Variants in CSMD3 observed in about 807,000 individuals in gnomAD.
CSMD3 encodes the protein CUB and Sushi multiple domains 3.
Under a neutral mutation model 435.2 loss-of-function variants are expected in CSMD3, and 177 were observed. The observed-to-expected ratio is 0.41, with a 90% CI of 0.36 to 0.46. CSMD3 has a LOEUF of 0.46. CSMD3 is among the 20% of genes least tolerant of loss of function. CSMD3 has a pLI of 0.34. For synonymous variants in CSMD3, 1,656 were observed against 1,520.5 expected, an observed-to-expected ratio of 1.09 and a Z score of -2.07; for missense variants, 4,265 against 4,504.6, an observed-to-expected ratio of 0.95 and a Z score of 1.52.
rs1563904150 is a variant in CSMD3, at chr8:112,405,211, CCCCATATAT to C, written c.5809+1304_5809+1312del. Among the ~76,000 whole-genome samples, 68 of 18,078 alleles carry C rather than the reference CCCCATATAT, an allele frequency of 3.8e-3. 9 individuals are homozygous for C. Among genetic ancestry groups the C allele is most frequent in the Non-Finnish European group, 4.4e-3 (50 of 11,260 alleles). The allele number at this position is 18,078 out of a possible 152,430, so 11.9% of individuals were successfully genotyped here. ...AAAAAAAAAAAAAAAAAAAAAAAAC[CCCCATATAT>C]ATATATATATATATATATATATATA... On this transcript the variant is annotated intron_variant, in intron 35 of 70. Transcript: ENST00000297405.
chr8:112,697,727 A>G (rs1414908541), intron 13 of CSMD3, among the ~76,000 whole-genome samples: 1 of 152,102 alleles, frequency 6.6e-6, no homozygotes, highest in Non-Finnish European at 1.5e-5. Flanking sequence ...AACTTAAAGT[A>G]TAATAAAAAA....
chr8:113,000,754 C>A (rs907399383), intron 6 of CSMD3, among the ~76,000 whole-genome samples: 4 of 151,982 alleles, frequency 2.6e-5, no homozygotes, highest in Admixed American at 6.6e-5. Flanking sequence ...AAACTCCATC[C>A]ATTTAAATGC....
intron 32 of CSMD3, among the ~76,000 whole-genome samples, chr8:112,468,225 G>C (rs1327144211): frequency 7.0e-6 from 1 of 142,070 alleles, no homozygotes; most frequent in Non-Finnish European, 1.5e-5. Context: ...TCCTCCAATT[G>C]CCTAAAGTAT....
intron 5 of CSMD3, among the ~76,000 whole-genome samples, chr8:113,024,462 A>G (rs2086799777): frequency 6.6e-6 from 1 of 152,000 alleles, no homozygotes; most frequent in Non-Finnish European, 1.5e-5. Context: ...CCTCTTTTGG[A>G]TATTTACCTG....
chr8:112,658,650 T>C (rs921444649), intron 17 of CSMD3, among the ~76,000 whole-genome samples: 2 of 152,076 alleles, frequency 1.3e-5, no homozygotes, highest in Non-Finnish European at 2.9e-5. Context: ...AAATAAATGA[T>C]CATATACTTA....
At position 112,343,001 on chromosome 8, in the gene CSMD3, T is replaced by TATTTATATATATATTTA. The variant is rs1554647587; in HGVS notation, c.6443-1316_6443-1315insTAAATATATATATAAAT. On this transcript the variant is annotated intron_variant, in intron 41 of 70. Transcript: ENST00000297405. Reference sequence around the variant, plus strand: ...TATATATATATTTATATATATATATTTATATATATATATATTTATATATAT... The same window carrying TATTTATATATATATTTA: ...TATATATATATTTATATATATATATTATTTATATATATATTTATATATATATATATATTTATATATAT... Among the ~76,000 whole-genome samples the TATTTATATATATATTTA allele has an allele frequency of 4.5e-4, 49 of 109,650 alleles. 2 individuals are homozygous for TATTTATATATATATTTA. Among genetic ancestry groups the TATTTATATATATATTTA allele is most frequent in the Admixed American group, 9.8e-4 (10 of 10,242 alleles). 71.9% of individuals were successfully genotyped at this position (109,650 alleles called of 152,430 possible).
intron 4 of CSMD3, among the ~76,000 whole-genome samples, chr8:113,113,497 T>C (rs1479988732): frequency 6.6e-6 from 1 of 152,130 alleles, no homozygotes; most frequent in Admixed American, 6.6e-5. Flanking sequence ...ACAAATAATG[T>C]TTTTAAAGGC....
intron 3 of CSMD3, among the ~76,000 whole-genome samples, chr8:113,253,940 T>C (rs911189490): frequency 1.3e-5 from 2 of 152,222 alleles, no homozygotes; most frequent in African/African-American, 2.4e-5. Context: ...TTACAAGATT[T>C]TTCTTCCAGA....
intron 3 of CSMD3, among the ~76,000 whole-genome samples, chr8:113,265,347 T>C (rs879667757): frequency 1.3e-5 from 2 of 151,536 alleles, no homozygotes; most frequent in Non-Finnish European, 3.0e-5. Flanking sequence ...AATAATACAG[T>C]ATATGTATTA....
intron 13 of CSMD3, among the ~76,000 whole-genome samples, chr8:112,739,996 A>G (rs1363247014): frequency 1.3e-5 from 2 of 151,624 alleles, no homozygotes; most frequent in African/African-American, 2.4e-5. Context: ...TCCAAATCTC[A>G]TTCAGTATTC....
intron 13 of CSMD3, among the ~76,000 whole-genome samples, chr8:112,717,479 T>C (rs940020236): frequency 2.6e-5 from 4 of 152,196 alleles, no homozygotes; most frequent in Non-Finnish European, 5.9e-5. Flanking sequence ...GTAAATTAAT[T>C]CAATCATTGT....
At chr8:112,487,976 A>C (rs904056682) in intron 31 of CSMD3, among the ~76,000 whole-genome samples, 1 of 152,202 alleles carries the variant, frequency 6.6e-6, no homozygotes, top group African/African-American at 2.4e-5. Context: ...ATTATTTTCT[A>C]AACAAATTTT....
intron 7 of CSMD3, among the ~76,000 whole-genome samples, chr8:112,967,642 T>C (rs1448840982): frequency 6.6e-6 from 1 of 151,918 alleles, no homozygotes; most frequent in African/African-American, 2.4e-5. Context: ...CAGCAATCCA[T>C]CTATCATATA....
At chr8:113,261,059 G>A (rs1185503764) in intron 3 of CSMD3, among the ~76,000 whole-genome samples, 1 of 152,086 alleles carries the variant, frequency 6.6e-6, no homozygotes, top group Non-Finnish European at 1.5e-5. Context: ...CTTTACAGTG[G>A]AATGGAAATC....
intron 4 of CSMD3, among the ~76,000 whole-genome samples, chr8:113,134,740 T>C (rs960460855): frequency 6.6e-6 from 1 of 152,070 alleles, no homozygotes; most frequent in African/African-American, 2.4e-5. Flanking sequence ...TAGTCTGCTT[T>C]ATGTTACTAT....
At chr8:113,376,669 A>G (rs2133081601) in intron 1 of CSMD3, 5 of 1,574,628 alleles carry the variant, frequency 3.2e-6, no homozygotes, top group Non-Finnish European at 4.4e-6. Flanking sequence ...AGGCGCCATC[A>G]TGGGAGTTGA....
chr8:112,731,626 A>C (rs984329376), intron 13 of CSMD3, among the ~76,000 whole-genome samples: 1 of 152,098 alleles, frequency 6.6e-6, no homozygotes, highest in African/African-American at 2.4e-5. Flanking sequence ...TGTTTATAGT[A>C]CTGTAGGGTA....
intron 32 of CSMD3, among the ~76,000 whole-genome samples, chr8:112,456,542 A>G (rs1002861113): frequency 6.6e-6 from 1 of 152,134 alleles, no homozygotes; most frequent in African/African-American, 2.4e-5. Flanking sequence ...TACAAAATAT[A>G]CTTAAAATCA....
intron 7 of CSMD3, among the ~76,000 whole-genome samples, chr8:112,961,071 T>C (rs571538082): frequency 1.1e-4 from 17 of 151,898 alleles, no homozygotes; most frequent in Non-Finnish European, 2.4e-4. Flanking sequence ...CTATTGTGCT[T>C]AAATTACACA....
Sources: allele counts gnomAD v4.1 joint callset (sites outside exome capture counted in the v4.1 genomes callset), GRCh38; gene constraint gnomAD v4.1.1; transcripts MANE v1.5; gene names NCBI Gene and HGNC (gene_info 2026-07-23, HGNC 2026-07-21).